MAD1L1: variants seen among roughly 807,000 people sequenced by gnomAD.
MAD1L1 encodes mitotic arrest deficient 1 like 1.
MAD1L1 carries 95 observed loss-of-function variants against 96.9 expected under a neutral mutation model. The ratio of observed to expected loss-of-function variants is 0.98; its 90% CI spans 0.83 to 1.16. The LOEUF is 1.16. Ranked by LOEUF, MAD1L1 falls within the 50% of genes most tolerant of loss-of-function variation. The pLI is 0.00. For synonymous variants in MAD1L1, 473 were observed against 396.6 expected, an observed-to-expected ratio of 1.19 and a Z score of -2.29; for missense variants, 1,007 against 954.4, an observed-to-expected ratio of 1.06 and a Z score of -0.73.
intron 10 of MAD1L1, among the ~76,000 whole-genome samples, chr7:2,197,485 C>G (rs1484786862): frequency 6.6e-6 from 1 of 152,190 alleles, no homozygotes; most frequent in Admixed American, 6.5e-5. Context: ...CGCCCCGACC[C>G]ACGCATCACT....
chr7:1,940,497 G>C (rs1778899594), intron 16 of MAD1L1: 1 of 152,230 alleles, frequency 6.6e-6, no homozygotes, highest in East Asian at 1.9e-4. Context: ...TGGCTTTCCG[G>C]GGCCTCTGTG....
rs144816999 is a variant in MAD1L1, at chr7:1,880,793, CT to C, written c.1998+17406del. 6.7e-3 allele frequency among the ~76,000 whole-genome samples: 1,018 copies of C among 152,330 alleles called. 14 individuals carry two copies. The highest frequency in any genetic ancestry group is 0.023 in the African/African-American group (971 of 41,574). ...CCCTGTGGAGGCAGGGATCTCACTG[CT>C]GATGGGGAGCCTGGGATCCAGAAAA... On this transcript the variant is annotated intron_variant, in intron 18 of 18. Transcript: ENST00000265854.
chr7:1,820,019 G>A (rs868542340), intron 18 of MAD1L1, among the ~76,000 whole-genome samples: 1 of 152,122 alleles, frequency 6.6e-6, no homozygotes, highest in Non-Finnish European at 1.5e-5. Flanking sequence ...AAATGGAAAC[G>A]ATGCTACTTC....
intron 18 of MAD1L1, among the ~76,000 whole-genome samples, chr7:1,867,945 C>T (rs575274884): frequency 4.1e-4 from 63 of 152,348 alleles, no homozygotes; most frequent in Admixed American, 2.6e-3. Flanking sequence ...CCCGTCTTCC[C>T]TAATACGGGG....
chr7:1,968,953 C>A lies in MAD1L1; in HGVS notation c.1506-11234G>T, dbSNP rs995275604. On this transcript the variant is annotated intron_variant, in intron 15 of 18. Coordinates refer to ENST00000265854, the MANE Select transcript of MAD1L1 (RefSeq NM_001013836.2). The surrounding 1 kb of genome is among the most constrained non-coding windows in gnomAD (Gnocchi z 5.6). ...TGGAGACAGGCCCAGAGTCACACGCCGGTGACGAGCACCATGGCAGCGTGA... is the reference window on the plus strand; with the variant it reads ...TGGAGACAGGCCCAGAGTCACACGCAGGTGACGAGCACCATGGCAGCGTGA... Among the ~76,000 whole-genome samples the A allele has an allele frequency of 2.6e-5, 4 of 152,216 alleles. No individual in the cohort carries two copies. The highest frequency in any genetic ancestry group is 9.7e-5 in the African/African-American group (4 of 41,448).
intron 16 of MAD1L1, among the ~76,000 whole-genome samples, chr7:1,942,318 C>T (rs1354199759): frequency 6.6e-6 from 1 of 152,220 alleles, no homozygotes; most frequent in Non-Finnish European, 1.5e-5. Flanking sequence ...AGGACCTCTG[C>T]TCCAGGTGAG....
intron 18 of MAD1L1, among the ~76,000 whole-genome samples, chr7:1,819,106 C>T (rs1320499432): frequency 6.6e-6 from 1 of 152,204 alleles, no homozygotes; most frequent in African/African-American, 2.4e-5. Flanking sequence ...CCATCCATCT[C>T]TGCCATCGCT....
chr7:2,106,680 C>T (rs1278126917), intron 11 of MAD1L1, among the ~76,000 whole-genome samples: 1 of 152,244 alleles, frequency 6.6e-6, no homozygotes. Context: ...AAGACGCCTG[C>T]AGCTGCACTG....
chr7:2,132,646 C>T (rs1220224260), intron 11 of MAD1L1, among the ~76,000 whole-genome samples: 1 of 152,258 alleles, frequency 6.6e-6, no homozygotes, highest in Non-Finnish European at 1.5e-5. Flanking sequence ...TCCCACAGTA[C>T]ACCGCCTTTG....
chr7:1,857,259 G>A (rs1373427584), intron 18 of MAD1L1, among the ~76,000 whole-genome samples: 2 of 152,222 alleles, frequency 1.3e-5, no homozygotes, highest in Non-Finnish European at 2.9e-5. Context: ...CACGTCTCGG[G>A]CGAGGGTGGG....
chr7:1,819,126 T>C (rs1482672029), intron 18 of MAD1L1, among the ~76,000 whole-genome samples: 1 of 152,162 alleles, frequency 6.6e-6, no homozygotes, highest in Non-Finnish European at 1.5e-5. Context: ...TGCTCAGCCC[T>C]CTGCCATGTT....
In MAD1L1 at chr7:2,189,723, G is replaced by C. The variant is rs1219996893; in HGVS notation, c.986+23489C>G. ...AGTTTTGGAGGTGGATGGTGGTGAT[G>C]GTTGCACAGCAATATGAATGTTCTT... On this transcript the variant is annotated intron_variant, in intron 10 of 18. Coordinates refer to ENST00000265854, the MANE Select transcript of MAD1L1 (RefSeq NM_001013836.2). Among the ~76,000 whole-genome samples, 4 of 152,118 alleles carry C rather than the reference G, an allele frequency of 2.6e-5. No individual in the cohort carries two copies. The East Asian group carries it at 7.7e-4, about 29-fold the overall frequency.
Position 1,957,660 on chromosome 7 carries a change from AG to A in MAD1L1, c.1564del (p.Leu522TrpfsTer24). On this transcript the variant is annotated frameshift_variant, in exon 16 of 19. Transcript: ENST00000265854. LOFTEE classifies it high-confidence loss of function. The part of the protein sequence containing the change: ...RSRLEEEKRM[L>X]EAQLERRALQ... ...AGCTCGCCGCTCCAGCTGTGCCTCC[AG>A]CATCCTCTTTTCCTCCTCCAGCCGA... is the stretch of plus-strand genomic sequence containing the variant. 1 of 1,614,066 alleles carries A rather than the reference AG, an allele frequency of 6.2e-7. No homozygotes were observed. The highest frequency in any genetic ancestry group is 8.5e-7 in the Non-Finnish European group (1 of 1,180,022).
At chr7:2,183,985 T>C (rs1333093238) in intron 10 of MAD1L1, among the ~76,000 whole-genome samples, 1 of 152,060 alleles carries the variant, frequency 6.6e-6, no homozygotes, top group African/African-American at 2.4e-5. Flanking sequence ...GCGCAGTGGC[T>C]CACGCCTGTA....
intron 18 of MAD1L1, among the ~76,000 whole-genome samples, chr7:1,852,576 A>C (rs925584348): frequency 3.3e-5 from 5 of 152,222 alleles, no homozygotes; most frequent in African/African-American, 1.2e-4. Context: ...TATGTGATTT[A>C]AAAGTTAATT....
chr7:2,091,521 A>G (rs1786212447), intron 11 of MAD1L1, among the ~76,000 whole-genome samples: 1 of 152,222 alleles, frequency 6.6e-6, no homozygotes, highest in Non-Finnish European at 1.5e-5. Flanking sequence ...CACGCCTATG[A>G]TCCCAGCACT....
chr7:2,167,090 C>T (rs1010370507), intron 10 of MAD1L1, among the ~76,000 whole-genome samples: 21 of 152,178 alleles, frequency 1.4e-4, no homozygotes, highest in Admixed American at 1.1e-3. Context: ...ACAGTGGCAT[C>T]GCAGATAGGA....
intron 18 of MAD1L1, among the ~76,000 whole-genome samples, chr7:1,852,329 C>A (rs570914552): frequency 6.6e-6 from 1 of 152,206 alleles, no homozygotes; most frequent in Non-Finnish European, 1.5e-5. Flanking sequence ...CTGGGTTTCC[C>A]GGACTGGGAG....
At chr7:2,026,281 A>C (rs951586640) in intron 12 of MAD1L1, among the ~76,000 whole-genome samples, 2 of 152,230 alleles carry the variant, frequency 1.3e-5, no homozygotes, top group African/African-American at 4.8e-5. Context: ...TTCACAATTT[A>C]TATGTGCCTA....
Sources: gnomAD v4.1 joint callset for allele counts (sites outside exome capture counted in the v4.1 genomes callset) on GRCh38, gnomAD v4.1.1 for gene constraint, Gnocchi (gnomAD v3.1) non-coding constraint, MANE v1.5 for transcripts, NCBI Gene and HGNC (gene_info 2026-07-23, HGNC 2026-07-21) for gene names.